Variants in DLG2 observed in about 807,000 individuals in gnomAD.
The protein encoded by DLG2 is discs large MAGUK scaffold protein 2, also known as disks large homolog 2.
In DLG2, 45 loss-of-function variants were observed where a neutral mutation model predicts 132.5. The ratio of observed to expected loss-of-function variants is 0.34; its 90% CI spans 0.27 to 0.44. The LOEUF (loss-of-function observed/expected upper bound fraction) is 0.44. Among genes scored for constraint, DLG2 ranks in the 20% least tolerant of loss-of-function variants. DLG2 has a pLI of 1.00. For missense variants in DLG2, 1,045 were observed against 1,196.9 expected (o/e 0.87, Z 1.87); for synonymous variants, 424 against 419.6 (o/e 1.01, Z -0.13).
At chr11:83,606,294 A>C (rs2059323611) in intron 19 of DLG2, among the ~76,000 whole-genome samples, 1 of 152,198 alleles carries the variant, frequency 6.6e-6, no homozygotes, top group African/African-American at 2.4e-5. Context: ...GTAGTCAGTA[A>C]AGAAATTTTA....
intron 6 of DLG2, among the ~76,000 whole-genome samples, chr11:84,694,498 T>C (rs940900061): frequency 3.3e-5 from 5 of 151,556 alleles, no homozygotes; most frequent in African/African-American, 1.2e-4. Flanking sequence ...CTGATGTAGG[T>C]ATTTTTTTTC....
chr11:84,249,699 T>G (rs989308134), intron 8 of DLG2, among the ~76,000 whole-genome samples: 2 of 152,224 alleles, frequency 1.3e-5, no homozygotes, highest in Non-Finnish European at 2.9e-5. Context: ...GAATAGTGGA[T>G]GTAGGTACCT....
At chr11:85,389,004 T>G (rs1391185101) in intron 3 of DLG2, among the ~76,000 whole-genome samples, 1 of 152,052 alleles carries the variant, frequency 6.6e-6, no homozygotes, top group Non-Finnish European at 1.5e-5. Flanking sequence ...AAGATGAAGT[T>G]TCTGAATTGC....
chr11:83,698,811 T>TACA (rs556642856), intron 18 of DLG2, among the ~76,000 whole-genome samples: 6,009 of 152,332 alleles, frequency 0.039, 171 homozygotes, highest in South Asian at 0.089. Flanking sequence ...CATCCTATGT[T>TACA]ACCTTCCAGA....
At chr11:84,515,374 A>T (rs2099269773) in intron 7 of DLG2, among the ~76,000 whole-genome samples, 1 of 151,714 alleles carries the variant, frequency 6.6e-6, no homozygotes, top group African/African-American at 2.4e-5. Flanking sequence ...ACACACATAG[A>T]CTAAAAGTGA....
At chr11:85,482,825 T>A (rs286499) in intron 3 of DLG2, among the ~76,000 whole-genome samples, 1 of 152,062 alleles carries the variant, frequency 6.6e-6, no homozygotes, top group Non-Finnish European at 1.5e-5. Flanking sequence ...AGCAGACCCA[T>A]GGTCCACCCC....
At chr11:84,078,563 A>G (rs975801798) in intron 10 of DLG2, among the ~76,000 whole-genome samples, 2 of 152,198 alleles carry the variant, frequency 1.3e-5, no homozygotes, top group Non-Finnish European at 2.9e-5. Flanking sequence ...AATACCAATT[A>G]AATGGAAAAG....
chr11:85,074,976 GTTTACTAAA>G (rs1471707414), intron 6 of DLG2, among the ~76,000 whole-genome samples: 3 of 151,790 alleles, frequency 2.0e-5, no homozygotes, highest in Non-Finnish European at 4.4e-5. Context: ...CCTTTCCATT[GTTTACTAAA>G]TTAGAACTAA....
intron 3 of DLG2, among the ~76,000 whole-genome samples, chr11:85,517,285 A>T (rs77100045): frequency 0.035 from 5,396 of 152,258 alleles, 145 homozygotes; most frequent in Admixed American, 0.053. Flanking sequence ...ACATACCTCA[A>T]AATAATAAAA....
In DLG2 at chr11:83,790,391, C is replaced by T. The variant is rs554690556; in HGVS notation, c.1723-3599G>A. On this transcript the variant is annotated intron_variant, in intron 17 of 27. Coordinates refer to ENST00000376104, the MANE Select transcript of DLG2 (RefSeq NM_001142699.3). ...ACCATCTGGCAGGACTGCTAGCTTC[C>T]CTTCTGCCTCCCAACATGTGATTGG... 1,871 of 950,226 alleles carry T rather than the reference C, an allele frequency of 2.0e-3. 23 individuals are homozygous for T. In the South Asian group the frequency reaches 0.02, roughly 10 times the overall value. The allele number at this position is 950,226 out of a possible 1,614,324, so 58.9% of individuals were successfully genotyped here. A position where few individuals can be genotyped will look rare whatever the true frequency, so the allele number is the denominator to read the frequency against.
chr11:84,133,168 C>T (rs980509282), intron 9 of DLG2, among the ~76,000 whole-genome samples: 40 of 151,956 alleles, frequency 2.6e-4, no homozygotes, highest in African/African-American at 9.7e-4. Context: ...AAATGTTTTT[C>T]TTCTGAGATA....
intron 6 of DLG2, among the ~76,000 whole-genome samples, chr11:85,105,262 C>T (rs573013634): frequency 2.4e-4 from 37 of 151,952 alleles, no homozygotes; most frequent in African/African-American, 8.7e-4. Flanking sequence ...ACTGTGGGTT[C>T]CCTTTCTGGG....
rs559435661 is a variant in DLG2 at position 85,421,377 on chromosome 11, G to C, written c.41-136012C>G. On this transcript the variant is annotated intron_variant, in intron 3 of 27. Coordinates refer to ENST00000376104, the MANE Select transcript of DLG2 (RefSeq NM_001142699.3). ...ATCTCGCTGGGAGCTACAGACCGGA[G>C]CTGTTCCTATTCGGCCATCTTACCA... Among the ~76,000 whole-genome samples, 8 of 150,838 alleles carry C rather than the reference G, an allele frequency of 5.3e-5. No homozygotes were observed. The South Asian group carries it at 1.1e-3, about 20-fold the overall frequency.
chr11:84,077,421 G>C (rs984075168), intron 10 of DLG2, among the ~76,000 whole-genome samples: 1 of 152,110 alleles, frequency 6.6e-6, no homozygotes, highest in Non-Finnish European at 1.5e-5. Context: ...TTCCTTCCTT[G>C]AAACACTCTT....
At chr11:84,054,956 T>C (rs1040369679) in intron 11 of DLG2, among the ~76,000 whole-genome samples, 4 of 151,986 alleles carry the variant, frequency 2.6e-5, no homozygotes, top group Non-Finnish European at 4.4e-5. Context: ...ATAGCTGAAG[T>C]AGCCATATTC....
Position 85,021,670 on chromosome 11 carries a change from G to C in DLG2, c.357+89991C>G, listed in dbSNP as rs561368112. 2.6e-5 allele frequency: 29 copies of C among 1,099,542 alleles called. No homozygotes were observed. In the African/African-American group the frequency reaches 4.0e-4, roughly 15 times the overall value. 68.1% of individuals were successfully genotyped at this position (1,099,542 alleles called of 1,614,324 possible). On this transcript the variant is annotated intron_variant, in intron 6 of 27. Transcript: ENST00000376104. ...GCTAGCCATTGTGTTTGATGATAAG[G>C]TTTCTCACACAGCTGAAAATGTGGC... is the stretch of plus-strand genomic sequence containing the variant.
intron 3 of DLG2, among the ~76,000 whole-genome samples, chr11:85,313,932 A>G (rs1378130178): frequency 6.6e-6 from 1 of 152,000 alleles, no homozygotes; most frequent in Non-Finnish European, 1.5e-5. Context: ...AGTCAATAGA[A>G]TTCCTGAAAA....
chr11:84,183,865 G>A (rs36144059), intron 8 of DLG2, among the ~76,000 whole-genome samples: 9,685 of 151,956 alleles, frequency 0.064, 376 homozygotes, highest in African/African-American at 0.097. Flanking sequence ...TGAGAATGAC[G>A]GTTTCCAGCT....
chr11:83,740,471 T>C (rs1385057207), intron 18 of DLG2, among the ~76,000 whole-genome samples: 1 of 152,096 alleles, frequency 6.6e-6, no homozygotes, highest in African/African-American at 2.4e-5. Flanking sequence ...TCAAAGACAT[T>C]AGGAGTTAGG....
Sources: allele counts gnomAD v4.1 joint callset (sites outside exome capture counted in the v4.1 genomes callset), GRCh38; gene constraint gnomAD v4.1.1; transcripts MANE v1.5; gene names NCBI Gene and HGNC (gene_info 2026-07-23, HGNC 2026-07-21).